TRIM37: variants seen among roughly 807,000 people sequenced by gnomAD.
TRIM37 encodes the protein tripartite motif containing 37.
TRIM37 carries 80 observed loss-of-function variants against 129.8 expected under a neutral mutation model. That is an observed-to-expected ratio of 0.62 (90% CI 0.51 to 0.74). The LOEUF (loss-of-function observed/expected upper bound fraction) is 0.74, where lower values mean the gene tolerates loss of function less well. TRIM37 is among the 30% of genes least tolerant of loss of function. The pLI is 0.00. For synonymous variants in TRIM37, 389 were observed against 387.1 expected, an observed-to-expected ratio of 1.00 and a Z score of -0.06; for missense variants, 1,054 against 1,176.5, an observed-to-expected ratio of 0.90 and a Z score of 1.52.
intron 18 of TRIM37, among the ~76,000 whole-genome samples, chr17:59,029,882 C>T (rs939108543): frequency 6.6e-6 from 1 of 152,218 alleles, no homozygotes; most frequent in Admixed American, 6.5e-5. Flanking sequence ...CTTTTATTAA[C>T]ATCCCTTCAC....
At position 59,012,215 on chromosome 17, in the gene TRIM37, C is replaced by CCAGCAGCAGCAGCAGCAG. The variant is rs749441889; in HGVS notation, c.2695+112_2695+113insCTGCTGCTGCTGCTGCTG. 8.7e-3 allele frequency: 4,959 copies of CCAGCAGCAGCAGCAGCAG among 566,970 alleles called. 14 individuals carry two copies. The highest frequency in any genetic ancestry group is 0.016 in the East Asian group (427 of 27,134). The allele number at this position is 566,970 out of a possible 1,614,324, so 35.1% of individuals were successfully genotyped here. A position where few individuals can be genotyped will look rare whatever the true frequency, so the allele number is the denominator to read the frequency against. On this transcript the variant is annotated intron_variant, in intron 22 of 23. Transcript: ENST00000262294. ...CCACTCCCTATCCCTATCACTACCA[C>CCAGCAGCAGCAGCAGCAG]CAGCAGCAGCAGCACCACCACCACC... is the stretch of plus-strand genomic sequence containing the variant.
chr17:58,969,072 T>C, the TRIM37 span, among the ~76,000 whole-genome samples: 3 of 152,242 alleles, frequency 2.0e-5, no homozygotes, highest in African/African-American at 7.2e-5. Flanking sequence ...TTAATTGGCC[T>C]TGTGTTGGAA....
At chr17:59,096,556 A>AC (rs1254980864) in intron 2 of TRIM37, among the ~76,000 whole-genome samples, 6 of 141,340 alleles carry the variant, frequency 4.2e-5, no homozygotes, top group Non-Finnish European at 6.4e-5. Flanking sequence ...TCTCAAAAAA[A>AC]AAAAAACAAA....
At chr17:58,995,045 G>A (rs759907694), downstream of TRIM37, among the ~76,000 whole-genome samples, 4 of 151,830 alleles carry the variant, frequency 2.6e-5, no homozygotes, top group Admixed American at 6.6e-5. Flanking sequence ...CACTGTGCCC[G>A]GCCATACATT....
the TRIM37 span, among the ~76,000 whole-genome samples, chr17:58,971,828 A>ATAGT: frequency 3.7e-4 from 56 of 152,354 alleles, no homozygotes; most frequent in African/African-American, 1.2e-3. Flanking sequence ...TTATATACTA[A>ATAGT]TAGTTACCTG....
intron 24 of TRIM37, among the ~76,000 whole-genome samples, chr17:58,988,230 T>A (rs2032003077): frequency 6.6e-6 from 1 of 152,188 alleles, no homozygotes; most frequent in African/African-American, 2.4e-5. Context: ...TCGCCCTATC[T>A]TGCAGGCTTT....
In TRIM37 at chr17:58,999,107, T is replaced by C. The variant is rs984876765; in HGVS notation, c.*270A>G. On this transcript the variant is annotated 3_prime_UTR_variant, in exon 24 of 24. Coordinates refer to ENST00000262294, the MANE Select transcript of TRIM37 (RefSeq NM_015294.6). ...GCTGTAGTAGACAAACTGCCTTTTG[T>C]GAATGTACAAATTTGCTAAATTAAT... The C allele has an allele frequency of 7.9e-7, 1 of 1,266,696 alleles. No individual in the cohort carries two copies. Among genetic ancestry groups the C allele is most frequent in the Non-Finnish European group, 1.0e-6 (1 of 999,054 alleles). 78.5% of individuals were successfully genotyped at this position (1,266,696 alleles called of 1,614,324 possible).
At chr17:59,023,256 T>G (rs561572145) in intron 19 of TRIM37, among the ~76,000 whole-genome samples, 1 of 152,150 alleles carries the variant, frequency 6.6e-6, no homozygotes, top group South Asian at 2.1e-4. Context: ...TTTTGTATTT[T>G]TAGTAGACAT....
chr17:59,022,830 A>G (rs934672319), intron 19 of TRIM37, among the ~76,000 whole-genome samples: 6 of 150,520 alleles, frequency 4.0e-5, no homozygotes, highest in African/African-American at 1.5e-4. Context: ...TATTCAAGGA[A>G]ATGGTATATT....
intron 13 of TRIM37, among the ~76,000 whole-genome samples, chr17:59,054,097 TC>T (rs1417836604): frequency 6.6e-6 from 1 of 152,132 alleles, no homozygotes; most frequent in African/African-American, 2.4e-5. Context: ...AACAAAGAGC[TC>T]CGAATAAGGG....
chr17:59,014,470 G>A (rs1012482659), intron 21 of TRIM37, among the ~76,000 whole-genome samples: 6 of 152,012 alleles, frequency 3.9e-5, no homozygotes, highest in East Asian at 3.9e-4. Flanking sequence ...TTGCCATGCC[G>A]GGGATTTGAG....
intron 24 of TRIM37, among the ~76,000 whole-genome samples, chr17:58,990,091 T>A (rs774321586): frequency 7.1e-6 from 1 of 141,400 alleles, no homozygotes; most frequent in Non-Finnish European, 1.5e-5. Flanking sequence ...GGTGGGAGGA[T>A]TGCTTGAGCC....
chr17:58,982,345 C>T (rs1420041223), downstream of TRIM37: 2 of 152,258 alleles, frequency 1.3e-5, no homozygotes, highest in Non-Finnish European at 2.9e-5. Context: ...TTCATTCATT[C>T]AGTGAAGCAG....
chr17:59,022,342 A>G (rs1317579413), intron 19 of TRIM37, among the ~76,000 whole-genome samples: 1 of 152,252 alleles, frequency 6.6e-6, no homozygotes, highest in East Asian at 1.9e-4. Context: ...TTACTTTATG[A>G]TAACAAAGTA....
chr17:58,970,778 C>T, the TRIM37 span, among the ~76,000 whole-genome samples: 4 of 152,100 alleles, frequency 2.6e-5, no homozygotes, highest in African/African-American at 7.2e-5. Flanking sequence ...GAGCTCCAGT[C>T]TCTTGAGGAC....
chr17:59,019,285 T>C (rs1477732936), intron 19 of TRIM37, among the ~76,000 whole-genome samples: 3 of 152,186 alleles, frequency 2.0e-5, no homozygotes, highest in Non-Finnish European at 4.4e-5. Context: ...AAACAGTATG[T>C]AGTACAGCCA....
chr17:59,071,349 G>A (rs775322026), intron 8 of TRIM37, among the ~76,000 whole-genome samples: 12 of 148,742 alleles, frequency 8.1e-5, no homozygotes, highest in Admixed American at 2.7e-4. Context: ...GCAATGGCGC[G>A]ATCTCGGCTC....
chr17:58,980,242 A>C (rs1267416172), downstream of TRIM37: 3 of 1,614,108 alleles, frequency 1.9e-6, no homozygotes, highest in Middle Eastern at 1.6e-4. This position sits in a 1 kb window ranked among gnomAD's most constrained non-coding sequence, Gnocchi z 4.7. Context: ...ACATGAACAA[A>C]GCTGTAAATG....
Position 59,106,694 on chromosome 17 carries a change from C to G in TRIM37, c.-233G>C. On this transcript the variant is annotated 5_prime_UTR_variant, in exon 1 of 24. Coordinates refer to ENST00000262294, the MANE Select transcript of TRIM37 (RefSeq NM_015294.6). ...CCCCGAGGCGCAGAAGTAGGGCGAA[C>G]GGTGGCCGCAGCTCCTTTCTCCCGG... is the stretch of plus-strand genomic sequence containing the variant. 1 of 596,402 alleles carries G rather than the reference C, an allele frequency of 1.7e-6. No individual in the cohort carries two copies. Among genetic ancestry groups the G allele is most frequent in the Non-Finnish European group, 3.0e-6 (1 of 335,602 alleles). The allele number at this position is 596,402 out of a possible 1,614,324, so 36.9% of individuals were successfully genotyped here.
Sources: allele counts gnomAD v4.1 joint callset (sites outside exome capture counted in the v4.1 genomes callset), GRCh38; gene constraint gnomAD v4.1.1; non-coding constraint Gnocchi (gnomAD v3.1); transcripts MANE v1.5; gene names NCBI Gene and HGNC (gene_info 2026-07-23, HGNC 2026-07-21).